Variants in RORA observed in about 807,000 individuals in gnomAD.
The protein encoded by RORA is RAR related orphan receptor A, also known as nuclear receptor ROR-alpha.
Under a neutral mutation model 69.5 loss-of-function variants are expected in RORA, and 7 were observed. That is an observed-to-expected ratio of 0.10 (90% confidence interval 0.06 to 0.19). RORA has a LOEUF of 0.19. Ranked by LOEUF, RORA falls within the 10% of genes least tolerant of loss-of-function variation. The pLI is 1.00. For synonymous variants in RORA, 261 were observed against 240.8 expected, an observed-to-expected ratio of 1.08 and a Z score of -0.78; for missense variants, 457 against 663.0, an observed-to-expected ratio of 0.69 and a Z score of 3.41.
intron 1 of RORA, among the ~76,000 whole-genome samples, chr15:60,949,095 G>T (rs773479179): frequency 1.2e-4 from 18 of 152,156 alleles, no homozygotes; most frequent in Non-Finnish European, 2.6e-4. Context: ...GTCCAGTCCT[G>T]CATTCTTTCC....
chr15:60,892,869 C>T (rs556239542), intron 1 of RORA, among the ~76,000 whole-genome samples: 1 of 152,302 alleles, frequency 6.6e-6, no homozygotes, highest in African/African-American at 2.4e-5. Flanking sequence ...TGTCGCATTA[C>T]CATCAACGTC....
intron 3 of RORA, among the ~76,000 whole-genome samples, chr15:60,516,161 TTATATATATATTTATATATATATTTA>T (rs2065922999): frequency 6.6e-5 from 2 of 30,316 alleles, no homozygotes; most frequent in Admixed American, 1.2e-3. Flanking sequence ...ATATATATAT[TTATATATATATTTATATATATATTTA>T]TATATATATT....
At chr15:60,554,575 G>A (rs2067308723) in intron 2 of RORA, among the ~76,000 whole-genome samples, 1 of 152,084 alleles carries the variant, frequency 6.6e-6, no homozygotes, top group Admixed American at 6.5e-5. Flanking sequence ...GAACAATCAT[G>A]GAAAATATGA....
At chr15:60,986,411 T>C (rs548018799) in intron 1 of RORA, among the ~76,000 whole-genome samples, 4 of 152,208 alleles carry the variant, frequency 2.6e-5, no homozygotes, top group Non-Finnish European at 5.9e-5. Flanking sequence ...TAGTTTCCTA[T>C]CACTACAATT....
chr15:60,602,498 A>G (rs775645644), intron 2 of RORA, among the ~76,000 whole-genome samples: 3 of 152,220 alleles, frequency 2.0e-5, no homozygotes, highest in Non-Finnish European at 4.4e-5. Context: ...TTGTCAAAAA[A>G]CTAGTAAGAA....
Position 60,497,323 on chromosome 15 carries a change from C to T in RORA, c.*132G>A, listed in dbSNP as rs1355326738. 3 of 675,438 alleles carry T rather than the reference C, an allele frequency of 4.4e-6. No individual in the cohort carries two copies. Among genetic ancestry groups the T allele is most frequent in the Admixed American group, 3.0e-5 (1 of 33,458 alleles). 41.8% of individuals were successfully genotyped at this position (675,438 alleles called of 1,614,324 possible). ...TTGTTTCCCCTCCTTTGCCTGACCCCGATCACCAAAAGATGTGCAGTGTGT... is the reference window on the plus strand; with the variant it reads ...TTGTTTCCCCTCCTTTGCCTGACCCTGATCACCAAAAGATGTGCAGTGTGT... On this transcript the variant is annotated 3_prime_UTR_variant, in exon 11 of 11. Transcript: ENST00000335670.
At chr15:60,865,234 C>T (rs571951418) in intron 1 of RORA, among the ~76,000 whole-genome samples, 3 of 152,284 alleles carry the variant, frequency 2.0e-5, no homozygotes, top group South Asian at 4.1e-4. Context: ...ATTTCACTGC[C>T]TGAAACCTGG....
chr15:60,633,075 C>T (rs1277505215), intron 2 of RORA, among the ~76,000 whole-genome samples: 1 of 152,206 alleles, frequency 6.6e-6, no homozygotes, highest in Admixed American at 6.5e-5. Context: ...ATAAAGTTGG[C>T]AGCTTTACAA....
chr15:60,500,911 A>C (rs1221230163), intron 9 of RORA, 48 bp downstream of exon 9: 1 of 1,098,224 alleles, frequency 9.1e-7, no homozygotes, highest in Non-Finnish European at 1.4e-6. Flanking sequence ...AAAATTCTTT[A>C]TCTTAGACAA....
chr15:61,098,281 T>TTCCCTTCCTCCC (rs1220783275), intron 1 of RORA, among the ~76,000 whole-genome samples: 1 of 138,502 alleles, frequency 7.2e-6, no homozygotes, highest in Non-Finnish European at 1.6e-5. Flanking sequence ...TCTTCCCTCC[T>TTCCCTTCCTCCC]TCCCTGCCTC....
In RORA at chr15:60,870,598, C is replaced by T. The variant is rs140419572; in HGVS notation, c.167-191912G>A. On this transcript the variant is annotated intron_variant, in intron 1 of 10. Transcript: ENST00000335670. ...AAGAAGGCACTTGGCCATTAGATTACGTAGTCAGTTTATAACTGTATATGC... is the reference window on the plus strand; with the variant it reads ...AAGAAGGCACTTGGCCATTAGATTATGTAGTCAGTTTATAACTGTATATGC... 9.1e-3 allele frequency among the ~76,000 whole-genome samples: 1,390 copies of T among 152,318 alleles called. 12 individuals are homozygous for T. Among genetic ancestry groups the T allele is most frequent in the Non-Finnish European group, 0.014 (961 of 68,030 alleles).
At chr15:61,047,432 G>A (rs1363690096) in intron 1 of RORA, among the ~76,000 whole-genome samples, 1 of 152,218 alleles carries the variant, frequency 6.6e-6, no homozygotes, top group Non-Finnish European at 1.5e-5. Flanking sequence ...TTTTGCAAGT[G>A]GGAGGGCATA....
chr15:61,022,856 G>A (rs1166978687), intron 1 of RORA, among the ~76,000 whole-genome samples: 3 of 152,084 alleles, frequency 2.0e-5, no homozygotes, highest in Admixed American at 1.3e-4. Flanking sequence ...AAGAGATGCA[G>A]GGAGGCAGCA....
chr15:61,074,660 G>A (rs1269413099), intron 1 of RORA, among the ~76,000 whole-genome samples: 3 of 152,132 alleles, frequency 2.0e-5, no homozygotes, highest in African/African-American at 7.2e-5. Flanking sequence ...TATTCCAAGG[G>A]AAAGTTCATG....
intron 1 of RORA, among the ~76,000 whole-genome samples, chr15:61,210,415 A>AT (rs1165810963): frequency 6.6e-6 from 1 of 152,228 alleles, no homozygotes; most frequent in Non-Finnish European, 1.5e-5. Flanking sequence ...CCTAAACTAG[A>AT]TAATTTGAGA....
At chr15:60,807,572 C>A (rs1378218076) in intron 1 of RORA, among the ~76,000 whole-genome samples, 1 of 152,050 alleles carries the variant, frequency 6.6e-6, no homozygotes, top group Middle Eastern at 3.2e-3. Context: ...CTAGAAAAAA[C>A]AATCTTAAAA....
At chr15:60,873,397 C>A (rs1457396869) in intron 1 of RORA, among the ~76,000 whole-genome samples, 1 of 152,078 alleles carries the variant, frequency 6.6e-6, no homozygotes. Context: ...CCCCTTAGAT[C>A]TAGTCCAGAA....
chr15:60,618,672 G>A (rs1453713779), intron 2 of RORA, among the ~76,000 whole-genome samples: 3 of 152,112 alleles, frequency 2.0e-5, no homozygotes, highest in African/African-American at 7.2e-5. Flanking sequence ...AAAAATGAAT[G>A]TATTTTCTCA....
Position 60,497,744 on chromosome 15 carries a change from T to A in RORA, c.1408-125A>T, listed in dbSNP as rs2065205341. 5.2e-6 allele frequency: 4 copies of A among 763,720 alleles called. No individual in the cohort carries two copies. The East Asian group carries it at 1.0e-4, about 20-fold the overall frequency. The allele number at this position is 763,720 out of a possible 1,614,324, so 47.3% of individuals were successfully genotyped here. A position where few individuals can be genotyped will look rare whatever the true frequency, so the allele number is the denominator to read the frequency against. On this transcript the variant is annotated intron_variant, in intron 10 of 10. Transcript: ENST00000335670. ...AAACACACTTAAAGCAACTTAAACA[T>A]CCAGTAGCAGAGGATTGGTAAAAAT... is the stretch of plus-strand genomic sequence containing the variant.
Sources: gnomAD v4.1 joint callset for allele counts (sites outside exome capture counted in the v4.1 genomes callset) on GRCh38, gnomAD v4.1.1 for gene constraint, MANE v1.5 for transcripts, NCBI Gene and HGNC (gene_info 2026-07-23, HGNC 2026-07-21) for gene names.